MED12L: variants seen among roughly 807,000 people sequenced by gnomAD.
MED12L encodes the protein mediator of RNA polymerase II transcription subunit 12-like protein.
MED12L carries 60 observed loss-of-function variants against 281.3 expected under a neutral mutation model. That is an observed-to-expected ratio of 0.21 (90% CI 0.17 to 0.26). MED12L has a LOEUF of 0.26. Ranked by LOEUF, MED12L falls within the 10% of genes least tolerant of loss-of-function variation. The pLI is 1.00. For missense variants in MED12L, 2,146 were observed against 2,680.9 expected (o/e 0.80, Z 4.41); for synonymous variants, 974 against 987.2 (o/e 0.99, Z 0.25).
At chr3:151,290,095 G>T (rs765769749) in intron 16 of MED12L, among the ~76,000 whole-genome samples, 34 of 152,088 alleles carry the variant, frequency 2.2e-4, no homozygotes, top group Non-Finnish European at 4.3e-4. Context: ...GTTTCACCAT[G>T]TTGGCCAGGA....
At chr3:151,299,959 A>G in intron 16 of MED12L, 3 of 780,006 alleles carry the variant, frequency 3.8e-6, no homozygotes, top group Admixed American at 1.8e-5. Flanking sequence ...ATGCTGGTTT[A>G]TTTTGTTAGT....
chr3:151,247,618 C>CG (rs58005104), intron 16 of MED12L, among the ~76,000 whole-genome samples: 1 of 108,392 alleles, frequency 9.2e-6, no homozygotes, highest in Non-Finnish European at 1.9e-5. Flanking sequence ...GTTGTGGGGT[C>CG]GGGGAGGGGG....
intron 40 of MED12L, among the ~76,000 whole-genome samples, chr3:151,410,146 A>T (rs142031704): frequency 6.6e-6 from 1 of 152,206 alleles, no homozygotes; most frequent in Non-Finnish European, 1.5e-5. Context: ...GATGAAGTGT[A>T]TGAGGACAAC....
intron 16 of MED12L, among the ~76,000 whole-genome samples, chr3:151,229,305 CTTTTTTTTT>C (rs35097589): frequency 1.8e-5 from 2 of 112,520 alleles, no homozygotes; most frequent in South Asian, 5.8e-4. Context: ...TTCAGCAATT[CTTTTTTTTT>C]TTTTTTTTTT....
chr3:151,418,828 G>A (rs1717925262), intron 43 of MED12L, among the ~76,000 whole-genome samples: 1 of 151,894 alleles, frequency 6.6e-6, no homozygotes, highest in Admixed American at 6.6e-5. Context: ...TTCTTACTAT[G>A]GATGTGGAAA....
intron 30 of MED12L, 104 bp from the exon 31 acceptor site, chr3:151,377,908 C>A: frequency 8.8e-7 from 1 of 1,137,278 alleles, no homozygotes. Flanking sequence ...TTAGAACAGT[C>A]TGTGTGTCTC....
chr3:151,245,970 C>T (rs1735360510), intron 16 of MED12L, among the ~76,000 whole-genome samples: 1 of 151,008 alleles, frequency 6.6e-6, no homozygotes. Flanking sequence ...TTCTTATACA[C>T]CAGCAACAGA....
intron 5 of MED12L, among the ~76,000 whole-genome samples, chr3:151,143,969 G>A (rs1717400569): frequency 6.6e-6 from 1 of 152,116 alleles, no homozygotes; most frequent in South Asian, 2.1e-4. Context: ...TGCTCACTCA[G>A]GTATATATAG....
Position 151,436,603 on chromosome 3 carries a change from T to C in MED12L, c.*3799T>C. 1 of 892,832 alleles carries C rather than the reference T, an allele frequency of 1.1e-6. No individual in the cohort carries two copies. Among genetic ancestry groups the C allele is most frequent in the Non-Finnish European group, 1.7e-6 (1 of 573,382 alleles). 55.3% of individuals were successfully genotyped at this position (892,832 alleles called of 1,614,324 possible). ...TTTAATACTGTAAATGTATTCAAAT[T>C]CATTTACATGCCTATGGCTGCCTTT... On this transcript the variant is annotated 3_prime_UTR_variant, in exon 45 of 45. Transcript: ENST00000687756.
At chr3:151,165,248 C>A (rs116695281) in intron 9 of MED12L, among the ~76,000 whole-genome samples, 172 bp from the exon 10 acceptor site, 3,880 of 152,124 alleles carry the variant, frequency 0.026, 88 homozygotes, top group Non-Finnish European at 0.041. Context: ...ATTGAATTGC[C>A]CTTTGTAAAT....
intron 17 of MED12L, among the ~76,000 whole-genome samples, chr3:151,352,905 A>T (rs752200765): frequency 8.5e-5 from 13 of 152,230 alleles, no homozygotes; most frequent in Non-Finnish European, 1.5e-4. Context: ...ATAATATGTT[A>T]TAAAAGCAAA....
chr3:151,429,813 A>G (rs1719277823), intron 43 of MED12L, among the ~76,000 whole-genome samples: 1 of 152,182 alleles, frequency 6.6e-6, no homozygotes. Context: ...ATCCTCCATC[A>G]TATGGGGAGG....
At chr3:151,228,935 T>A (rs1731066702) in intron 16 of MED12L, among the ~76,000 whole-genome samples, 1 of 152,182 alleles carries the variant, frequency 6.6e-6, no homozygotes, top group Non-Finnish European at 1.5e-5. Flanking sequence ...ACTGAGATGG[T>A]ATTTGCATTT....
rs1260847408 is a variant in MED12L at position 151,434,705 on chromosome 3, C to CATT, written c.*1905_*1907dup. The CATT allele has an allele frequency of 5.9e-5, 9 of 152,332 alleles. No individual in the cohort carries two copies. The highest frequency in any genetic ancestry group is 1.9e-4 in the African/African-American group (8 of 41,586). 9.4% of individuals were successfully genotyped at this position (152,332 alleles called of 1,614,324 possible). A position where few individuals can be genotyped will look rare whatever the true frequency, so the allele number is the denominator to read the frequency against. ...GCCTAGTGAGTGAGTCATGTTCCATCATTATTTCTTTCCAAATTTCTTTGC... is the reference window on the plus strand; with the variant it reads ...GCCTAGTGAGTGAGTCATGTTCCATCATTATTATTTCTTTCCAAATTTCTTTGC... On this transcript the variant is annotated 3_prime_UTR_variant, in exon 45 of 45. Transcript: ENST00000687756.
intron 12 of MED12L, among the ~76,000 whole-genome samples, chr3:151,185,904 A>C (rs1355394490): frequency 1.3e-5 from 2 of 152,126 alleles, no homozygotes; most frequent in Admixed American, 6.5e-5. Flanking sequence ...AGAACAAAGA[A>C]ATTTCTTTGC....
At chr3:151,096,401 T>C (rs1057244589) in intron 2 of MED12L, among the ~76,000 whole-genome samples, 4 of 152,116 alleles carry the variant, frequency 2.6e-5, no homozygotes, top group Admixed American at 6.6e-5. Flanking sequence ...CCCTTTTTTT[T>C]CCTCAGGGAT....
intron 17 of MED12L, among the ~76,000 whole-genome samples, chr3:151,354,696 A>T (rs1384423498): frequency 6.6e-6 from 1 of 152,236 alleles, no homozygotes; most frequent in Non-Finnish European, 1.5e-5. Context: ...GTGGTACAGT[A>T]ACACATTGGA....
At chr3:151,360,357 A>C in intron 20 of MED12L, 117 bp from the exon 21 acceptor site, 1 of 886,048 alleles carries the variant, frequency 1.1e-6, no homozygotes, top group Non-Finnish European at 1.7e-6. Flanking sequence ...ATTAGTTTCA[A>C]CAATCCAATA....
At chr3:151,270,847 T>C (rs1740810004) in intron 16 of MED12L, among the ~76,000 whole-genome samples, 1 of 152,192 alleles carries the variant, frequency 6.6e-6, no homozygotes, top group East Asian at 1.9e-4. Flanking sequence ...CCACAGAACC[T>C]GCAGGATATT....
Sources: allele counts gnomAD v4.1 joint callset (sites outside exome capture counted in the v4.1 genomes callset), GRCh38; gene constraint gnomAD v4.1.1; transcripts MANE v1.5; gene names NCBI Gene and HGNC (gene_info 2026-07-23, HGNC 2026-07-21).